Variants in AP3B1 observed in about 807,000 individuals in gnomAD.
AP3B1 encodes the protein AP-3 complex subunit beta-1.
AP3B1 carries 61 observed loss-of-function variants against 132.5 expected under a neutral mutation model. That is an observed-to-expected ratio of 0.46 (90% CI 0.37 to 0.57). The LOEUF is 0.57. Ranked by LOEUF, AP3B1 falls within the 20% of genes least tolerant of loss-of-function variation. AP3B1 has a pLI of 0.00. For synonymous variants in AP3B1, 388 were observed against 438.3 expected (o/e 0.89, Z 1.43); for missense variants, 1,120 against 1,289.4 (o/e 0.87, Z 2.01).
intron 1 of AP3B1, among the ~76,000 whole-genome samples, chr5:78,285,533 A>G (rs1639516619): frequency 6.6e-6 from 1 of 151,972 alleles, no homozygotes; most frequent in Non-Finnish European, 1.5e-5. Context: ...ATGACTCCCA[A>G]ATTTATACTT....
chr5:78,193,770 A>ATATATTTTTTTTTTTTT, intron 7 of AP3B1, among the ~76,000 whole-genome samples: 23 of 67,202 alleles, frequency 3.4e-4, no homozygotes, highest in South Asian at 8.2e-4. Flanking sequence ...ATATATATAT[A>ATATATTTTTTTTTTTTT]TTTTTTTTTT....
intron 8 of AP3B1, among the ~76,000 whole-genome samples, chr5:78,181,232 T>C (rs527579478): frequency 6.6e-6 from 1 of 152,224 alleles, no homozygotes; most frequent in East Asian, 1.9e-4. Flanking sequence ...TGAAGTCCAA[T>C]AGGCCAAACC....
At chr5:78,239,351 G>A (rs1580529982) in intron 3 of AP3B1, among the ~76,000 whole-genome samples, 1 of 151,160 alleles carries the variant, frequency 6.6e-6, no homozygotes, top group Admixed American at 6.6e-5. Flanking sequence ...TGCACCTGTA[G>A]TCCCAGCCAC....
chr5:78,164,992 T>C (rs926785968), intron 12 of AP3B1, among the ~76,000 whole-genome samples: 1 of 152,202 alleles, frequency 6.6e-6, no homozygotes, highest in Non-Finnish European at 1.5e-5. Context: ...AAGTTTTCTA[T>C]TGCTGTGCTC....
At chr5:78,143,651 A>C (rs1201413701) in intron 14 of AP3B1, among the ~76,000 whole-genome samples, 1 of 152,160 alleles carries the variant, frequency 6.6e-6, no homozygotes, top group Non-Finnish European at 1.5e-5. Flanking sequence ...CACCATTGAC[A>C]CTATGAATTC....
At chr5:78,159,560 A>T (rs540367578) in intron 13 of AP3B1, among the ~76,000 whole-genome samples, 32 of 152,000 alleles carry the variant, frequency 2.1e-4, no homozygotes, top group African/African-American at 7.7e-4. Context: ...CAATCACATC[A>T]CCCTGACCTT....
chr5:78,211,860 T>G (rs547591577), intron 7 of AP3B1, among the ~76,000 whole-genome samples: 1 of 152,372 alleles, frequency 6.6e-6, no homozygotes, highest in African/African-American at 2.4e-5. Context: ...TCTGTTTATA[T>G]TTCTGCTCCA....
At chr5:78,103,732 G>C (rs1157800922) in intron 20 of AP3B1, among the ~76,000 whole-genome samples, 1 of 151,960 alleles carries the variant, frequency 6.6e-6, no homozygotes, top group African/African-American at 2.4e-5. Context: ...TCTCCATTTT[G>C]TTTCTATGGT....
intron 1 of AP3B1, among the ~76,000 whole-genome samples, chr5:78,292,124 C>T (rs1050180618): frequency 6.6e-6 from 1 of 151,970 alleles, no homozygotes; most frequent in African/African-American, 2.4e-5. Flanking sequence ...GAAACTATTT[C>T]ATCAGAGTAA....
intron 22 of AP3B1, among the ~76,000 whole-genome samples, chr5:78,062,639 G>A (rs1203356528): frequency 2.0e-4 from 30 of 152,166 alleles, no homozygotes; most frequent in Admixed American, 1.9e-3. Flanking sequence ...CTAGGCAACA[G>A]GGACACACTT....
chr5:78,249,142 A>T (rs1178575065), intron 2 of AP3B1, among the ~76,000 whole-genome samples: 1 of 151,890 alleles, frequency 6.6e-6, no homozygotes, highest in African/African-American at 2.4e-5. Flanking sequence ...ATCACCTGAG[A>T]TCAGGAGTTC....
At position 78,181,499 on chromosome 5, in the gene AP3B1, T is replaced by C. The variant is rs199706919; in HGVS notation, c.942+8A>G. 23 of 1,611,378 alleles carry C rather than the reference T, an allele frequency of 1.4e-5. No homozygotes were observed. The highest frequency in any genetic ancestry group is 2.7e-5 in the African/African-American group (2 of 74,894). On this transcript the variant is annotated splice_region_variant and intron_variant, in intron 8 of 26. Coordinates refer to ENST00000255194, the MANE Select transcript of AP3B1 (RefSeq NM_003664.5). Reference sequence around the variant, plus strand: ...AGTGAATTATTTCTTATAAGGATTTTAACATACCGCAGCATTCCTGCTCTG... The same window carrying C: ...AGTGAATTATTTCTTATAAGGATTTCAACATACCGCAGCATTCCTGCTCTG...
intron 7 of AP3B1, among the ~76,000 whole-genome samples, chr5:78,188,966 C>G: frequency 6.6e-6 from 1 of 152,100 alleles, no homozygotes; most frequent in East Asian, 1.9e-4. Flanking sequence ...TCTCAGCAAA[C>G]TAATGCAGGA....
intron 2 of AP3B1, among the ~76,000 whole-genome samples, chr5:78,246,700 T>A (rs1294107734): frequency 6.6e-6 from 1 of 152,068 alleles, no homozygotes; most frequent in Non-Finnish European, 1.5e-5. Flanking sequence ...ATATTGATAA[T>A]TTGTCCTGTT....
intron 22 of AP3B1, chr5:78,043,919 T>C: frequency 2.8e-6 from 1 of 351,064 alleles, no homozygotes; most frequent in South Asian, 2.7e-5. Flanking sequence ...TTGGGGATGA[T>C]GTTAACTTCC....
chr5:78,166,117 TCACACACACACACACA>T (rs70997970), intron 11 of AP3B1, among the ~76,000 whole-genome samples: 24,358 of 135,790 alleles, frequency 0.18, 2,654 homozygotes, highest in South Asian at 0.29. Flanking sequence ...TGAAACTCTG[TCACACACACACACACA>T]CACACACACA....
At chr5:78,043,750 A>C (rs1733306762) in intron 22 of AP3B1, 1 of 403,100 alleles carries the variant, frequency 2.5e-6, no homozygotes. Context: ...GTAGGCAGAA[A>C]AAAAGGCAGC....
At chr5:78,084,053 T>G (rs571668046) in intron 22 of AP3B1, among the ~76,000 whole-genome samples, 3 of 152,196 alleles carry the variant, frequency 2.0e-5, no homozygotes, top group Non-Finnish European at 4.4e-5. Flanking sequence ...GAAATTATTT[T>G]CATTAATTTG....
At chr5:78,153,463 C>T (rs1463759384) in intron 14 of AP3B1, among the ~76,000 whole-genome samples, 1 of 150,948 alleles carries the variant, frequency 6.6e-6, no homozygotes, top group Non-Finnish European at 1.5e-5. Context: ...AAGTGTGCTT[C>T]TTGTAGGCAC....
Sources: gnomAD v4.1 joint callset for allele counts (sites outside exome capture counted in the v4.1 genomes callset) on GRCh38, gnomAD v4.1.1 for gene constraint, MANE v1.5 for transcripts, NCBI Gene and HGNC (gene_info 2026-07-23, HGNC 2026-07-21) for gene names.